INPP4B: variants seen among roughly 807,000 people sequenced by gnomAD.
INPP4B encodes inositol polyphosphate-4-phosphatase type II B, also known as inositol polyphosphate 4-phosphatase type II.
Under a neutral mutation model 122.5 loss-of-function variants are expected in INPP4B, and 55 were observed. The observed-to-expected ratio is 0.45, with a 90% CI of 0.36 to 0.56. The LOEUF (loss-of-function observed/expected upper bound fraction) is 0.56, where lower values mean the gene tolerates loss of function less well. Ranked by LOEUF, INPP4B falls within the 20% of genes least tolerant of loss-of-function variation. The pLI, the probability that INPP4B is intolerant of heterozygous loss-of-function variation, is 0.00. For synonymous variants in INPP4B, 403 were observed against 388.7 expected, an observed-to-expected ratio of 1.04 and a Z score of -0.43; for missense variants, 1,000 against 1,097.7, an observed-to-expected ratio of 0.91 and a Z score of 1.26.
intron 2 of INPP4B, among the ~76,000 whole-genome samples, chr4:142,608,351 G>C (rs1156633699): frequency 6.6e-6 from 1 of 151,994 alleles, no homozygotes; most frequent in African/African-American, 2.4e-5. Context: ...ATAGTGAGTT[G>C]GAAGAAAATG....
chr4:142,060,194 G>A (rs551793621), intron 25 of INPP4B, among the ~76,000 whole-genome samples: 6 of 152,216 alleles, frequency 3.9e-5, no homozygotes, highest in African/African-American at 1.2e-4. Context: ...TTTGGTTGCA[G>A]AGCCCAAAAC....
At chr4:142,070,846 C>A (rs1316246448) in intron 25 of INPP4B, among the ~76,000 whole-genome samples, 2 of 152,186 alleles carry the variant, frequency 1.3e-5, no homozygotes, top group African/African-American at 2.4e-5. Context: ...AGGACACAAG[C>A]AAATGGAAGA....
At position 142,837,599 on chromosome 4, in the gene INPP4B, C is replaced by T. The variant is rs541766660; in HGVS notation, c.-254+8610G>A. Among the ~76,000 whole-genome samples, 156 of 152,106 alleles carry T rather than the reference C, an allele frequency of 1.0e-3. 1 individual carries two copies. The highest frequency in any genetic ancestry group is 4.0e-4 in the Non-Finnish European group (27 of 67,968). On this transcript the variant is annotated intron_variant, in intron 1 of 25. Coordinates refer to ENST00000262992, the MANE Select transcript of INPP4B (RefSeq NM_001101669.3). ...CATGGTAAATTGTCTATAAGAAGGGCTCAATAAATTTTAGCTTTTGTTGTT... is the reference window on the plus strand; with the variant it reads ...CATGGTAAATTGTCTATAAGAAGGGTTCAATAAATTTTAGCTTTTGTTGTT...
intron 2 of INPP4B, among the ~76,000 whole-genome samples, chr4:142,526,698 C>T (rs1826959385): frequency 6.6e-6 from 1 of 152,078 alleles, no homozygotes; most frequent in Admixed American, 6.6e-5. Flanking sequence ...AAACATGTCA[C>T]TCCTACTATT....
intron 21 of INPP4B, among the ~76,000 whole-genome samples, chr4:142,115,532 C>G (rs370827129): frequency 6.6e-6 from 1 of 152,150 alleles, no homozygotes; most frequent in East Asian, 1.9e-4. Flanking sequence ...AAAGAATTTT[C>G]AACCCAGAAT....
At chr4:142,212,842 T>C (rs945314367) in intron 12 of INPP4B, among the ~76,000 whole-genome samples, 5 of 152,146 alleles carry the variant, frequency 3.3e-5, no homozygotes, top group Admixed American at 3.3e-4. Flanking sequence ...CCCAGAACTG[T>C]TGAGTCCTGG....
At chr4:142,097,811 A>G (rs1782642013) in intron 23 of INPP4B, among the ~76,000 whole-genome samples, 2 of 152,166 alleles carry the variant, frequency 1.3e-5, no homozygotes, top group Admixed American at 1.3e-4. Flanking sequence ...TTCATTAACT[A>G]TTTCCAAGAT....
At chr4:142,149,606 G>C (rs1418522300) in intron 17 of INPP4B, among the ~76,000 whole-genome samples, 1 of 152,162 alleles carries the variant, frequency 6.6e-6, no homozygotes, top group Non-Finnish European at 1.5e-5. Flanking sequence ...GTAGAGGTGT[G>C]TGCCACTTTA....
intron 10 of INPP4B, among the ~76,000 whole-genome samples, chr4:142,266,149 T>A (rs2627832): frequency 0.55 from 83,713 of 151,926 alleles, 26,574 homozygotes; most frequent in Non-Finnish European, 0.7. Context: ...TTCCTTGATC[T>A]TGATGCAAGT....
intron 2 of INPP4B, among the ~76,000 whole-genome samples, chr4:142,571,875 C>T (rs1422712525): frequency 6.6e-6 from 1 of 152,098 alleles, no homozygotes; most frequent in Non-Finnish European, 1.5e-5. Flanking sequence ...CAGTATTTAG[C>T]AGTGCCTGGT....
intron 16 of INPP4B, among the ~76,000 whole-genome samples, chr4:142,172,708 A>T (rs1443751870): frequency 6.6e-6 from 1 of 152,050 alleles, no homozygotes; most frequent in Admixed American, 6.6e-5. Flanking sequence ...AACATACCTG[A>T]ATAAAAAGTA....
At chr4:142,806,767 G>A (rs1462057421) in intron 1 of INPP4B, among the ~76,000 whole-genome samples, 1 of 47,324 alleles carries the variant, frequency 2.1e-5, no homozygotes, top group African/African-American at 7.6e-5. Context: ...GAAGAAAGAA[G>A]AAAGAAAGAA....
At chr4:142,133,327 C>T (rs79642036) in intron 18 of INPP4B, among the ~76,000 whole-genome samples, 1,799 of 152,238 alleles carry the variant, frequency 0.012, 30 homozygotes, top group East Asian at 0.079. Flanking sequence ...TATGTAACTG[C>T]AAACTTGATA....
intron 25 of INPP4B, among the ~76,000 whole-genome samples, chr4:142,070,949 C>T (rs1453878618): frequency 6.6e-6 from 1 of 152,112 alleles, no homozygotes; most frequent in Admixed American, 6.5e-5. Context: ...CCCCATCAAG[C>T]TACCAATGAC....
chr4:142,132,452 A>T (rs1801800636), intron 18 of INPP4B, among the ~76,000 whole-genome samples: 1 of 152,202 alleles, frequency 6.6e-6, no homozygotes, highest in South Asian at 2.1e-4. Context: ...GAGTTAACGC[A>T]GTCAATATTT....
intron 5 of INPP4B, among the ~76,000 whole-genome samples, chr4:142,417,470 G>A (rs1208676474): frequency 6.6e-6 from 1 of 152,060 alleles, no homozygotes; most frequent in Non-Finnish European, 1.5e-5. Context: ...TAGTGCTTGT[G>A]TGGATCCAAT....
rs541439044 is a variant in INPP4B at position 142,285,421 on chromosome 4, T to G, written c.504-14647A>C. ...CTCAGACATGGTATATCTGAGGCCA[T>G]GGATTGAGGCTCATGACCTCAGATA... On this transcript the variant is annotated intron_variant, in intron 9 of 25. Coordinates refer to ENST00000262992, the MANE Select transcript of INPP4B (RefSeq NM_001101669.3). Among the ~76,000 whole-genome samples, 89 of 55,818 alleles carry G rather than the reference T, an allele frequency of 1.6e-3. No homozygotes were observed. In the African/African-American group the frequency reaches 0.033, roughly 21 times the overall value. 36.6% of individuals were successfully genotyped at this position (55,818 alleles called of 152,430 possible).
At chr4:142,531,526 T>C (rs562026303) in intron 2 of INPP4B, among the ~76,000 whole-genome samples, 7 of 135,402 alleles carry the variant, frequency 5.2e-5, no homozygotes, top group African/African-American at 2.0e-4. Context: ...CCTGTGGACA[T>C]TTGTGTCGTC....
intron 10 of INPP4B, among the ~76,000 whole-genome samples, chr4:142,265,497 A>G (rs1742306861): frequency 6.6e-6 from 1 of 152,212 alleles, no homozygotes; most frequent in Non-Finnish European, 1.5e-5. Context: ...ATGCATTTGC[A>G]GTTCTAAAAA....
Sources: allele counts gnomAD v4.1 joint callset (sites outside exome capture counted in the v4.1 genomes callset), GRCh38; gene constraint gnomAD v4.1.1; transcripts MANE v1.5; gene names NCBI Gene and HGNC (gene_info 2026-07-23, HGNC 2026-07-21).